The following POLR1C variants were observed in gnomAD, a reference collection of about 807,000 sequenced individuals.
The protein encoded by POLR1C is DNA-directed RNA polymerases I and III subunit RPAC1.
POLR1C carries 42 observed loss-of-function variants against 38.3 expected under a neutral mutation model. The ratio of observed to expected loss-of-function variants is 1.10; its 90% CI spans 0.86 to 1.42. POLR1C has a LOEUF of 1.42. Among genes scored for constraint, POLR1C ranks in the 40% most tolerant of loss-of-function variants. The pLI is 0.00. For synonymous variants in POLR1C, 163 were observed against 163.9 expected (o/e 0.99, Z 0.04); for missense variants, 507 against 450.5 (o/e 1.13, Z -1.14).
At chr6:43,547,455 T>G (rs897489268) in intron 9 of POLR1C, 1 of 730,894 alleles carries the variant, frequency 1.4e-6, no homozygotes, top group East Asian at 2.7e-5. Context: ...AATTCAAGAC[T>G]AAAGAAGAAA....
chr6:43,519,847 A>G lies in POLR1C; in HGVS notation c.382+9A>G. On this transcript the variant is annotated intron_variant, in intron 4 of 8. Coordinates refer to ENST00000642195, the MANE Select transcript of POLR1C (RefSeq NM_203290.4). ...TGAGTATCGGAACCAAGGTGAGAAA[A>G]TGAAATTTTGGGAGAAGTGGACTAT... 4 of 1,613,326 alleles carry G rather than the reference A, an allele frequency of 2.5e-6. No individual in the cohort carries two copies. Among genetic ancestry groups the G allele is most frequent in the Non-Finnish European group, 3.4e-6 (4 of 1,179,578 alleles).
chr6:43,526,374 G>A, downstream of POLR1C: 1 of 450,160 alleles, frequency 2.2e-6, no homozygotes, highest in East Asian at 4.0e-5. Flanking sequence ...GGAATACAGA[G>A]TAGCTGGGGT....
intron 9 of POLR1C, among the ~76,000 whole-genome samples, chr6:43,537,918 A>G (rs1794439592): frequency 2.0e-5 from 3 of 151,566 alleles, no homozygotes; most frequent in Admixed American, 1.3e-4. Context: ...AATACAAAAA[A>G]TTAGCCAGGC....
At chr6:43,522,751 G>GA (rs745548674), downstream of POLR1C, 2 of 492,964 alleles carry the variant, frequency 4.1e-6, no homozygotes, top group South Asian at 3.0e-5. Flanking sequence ...GTCTGTTTTT[G>GA]TGCAGAGCAC....
In POLR1C at chr6:43,521,425, C is replaced by G. The variant is rs1793183072; in HGVS notation, c.*125C>G. ...TTTCTGGGACAATTCCAGCTTTAAT[C>G]AATACATTTTGTTAAATGTGCCATA... On this transcript the variant is annotated 3_prime_UTR_variant, in exon 9 of 9. Coordinates refer to ENST00000642195, the MANE Select transcript of POLR1C (RefSeq NM_203290.4). 4 of 1,569,668 alleles carry G rather than the reference C, an allele frequency of 2.5e-6. No homozygotes were observed. In the Admixed American group the frequency reaches 5.4e-5, roughly 21 times the overall value.
chr6:43,526,055 C>T (rs1793565991), downstream of POLR1C: 4 of 841,966 alleles, frequency 4.8e-6, no homozygotes, highest in Non-Finnish European at 7.4e-6. Flanking sequence ...TACTAGGAGC[C>T]CTCCCACCTC....
intron 3 of POLR1C, 109 bp downstream of exon 3, chr6:43,519,549 A>G: frequency 7.1e-7 from 1 of 1,410,376 alleles, no homozygotes; most frequent in South Asian, 1.2e-5. Flanking sequence ...ATTTTCCTGG[A>G]ATTTTGCTGA....
intron 9 of POLR1C, chr6:43,550,822 C>G (rs1480124874): frequency 6.6e-6 from 1 of 152,420 alleles, no homozygotes; most frequent in Non-Finnish European, 1.5e-5. Flanking sequence ...CCCACCTAGT[C>G]AACTGAACTG....
chr6:43,530,739 C>A, downstream of POLR1C: 1 of 1,613,946 alleles, frequency 6.2e-7, no homozygotes, highest in Non-Finnish European at 8.5e-7. Flanking sequence ...TTGACAAAGG[C>A]TGAGCTGAGA....
At position 43,528,928 on chromosome 6, in the gene POLR1C, G is replaced by A. The variant is rs373586741; in HGVS notation, c.923-321G>A. 9 of 1,610,064 alleles carry A rather than the reference G, an allele frequency of 5.6e-6. No homozygotes were observed. In the African/African-American group the frequency reaches 9.4e-5, roughly 17 times the overall value. ...CACCAGAGGCTTTACAAAGACACGT[G>A]CTGCAACAAGTTAAGAAATTTTAGT... On this transcript the variant is annotated intron_variant, in intron 8 of 8. Transcript: ENST00000304004.
intron 10 of POLR1C, chr6:43,555,705 G>A: frequency 8.8e-7 from 1 of 1,140,520 alleles, no homozygotes; most frequent in Non-Finnish European, 1.2e-6. Flanking sequence ...CCCTCTCCAG[G>A]ATGAGCAAAG....
downstream of POLR1C, chr6:43,533,842 C>T: frequency 7.8e-7 from 1 of 1,283,958 alleles, no homozygotes; most frequent in South Asian, 1.2e-5. Flanking sequence ...TAAAAAACAA[C>T]AAAAAAAGGG....
At chr6:43,550,506 C>G (rs2127731845) in intron 9 of POLR1C, among the ~76,000 whole-genome samples, 1 of 152,304 alleles carries the variant, frequency 6.6e-6, no homozygotes, top group South Asian at 2.1e-4. Flanking sequence ...CTCCACTCCT[C>G]CAATGATGGT....
downstream of POLR1C, chr6:43,523,785 G>C: frequency 6.2e-7 from 1 of 1,608,688 alleles, no homozygotes; most frequent in South Asian, 1.1e-5. Flanking sequence ...TGAGGTGGCA[G>C]TGCAAGAAGG....
At chr6:43,560,365 C>T in intron 10 of POLR1C, 2 of 1,499,844 alleles carry the variant, frequency 1.3e-6, no homozygotes, top group Non-Finnish European at 1.8e-6. Context: ...CAGATTATTA[C>T]TTAGCAGTTA....
intron 9 of POLR1C, among the ~76,000 whole-genome samples, chr6:43,545,669 T>A (rs569851807): frequency 6.6e-6 from 1 of 151,736 alleles, no homozygotes; most frequent in African/African-American, 2.4e-5. Flanking sequence ...ATTGCACCAC[T>A]GCACTCCCAG....
intron 10 of POLR1C, chr6:43,551,393 C>T: frequency 6.2e-7 from 1 of 1,613,886 alleles, no homozygotes; most frequent in Non-Finnish European, 8.5e-7. Context: ...ATGAGGGGAT[C>T]CTTGGTATCA....
intron 8 of POLR1C, chr6:43,527,689 C>T (rs748124809): frequency 3.1e-6 from 5 of 1,614,026 alleles, no homozygotes; most frequent in Admixed American, 1.7e-5. Flanking sequence ...CCTCCAGCAT[C>T]TCTTGAGACT....
chr6:43,529,553 C>CAAA (rs1186641934), exon 9 of POLR1C: 20 of 101,810 alleles, frequency 2.0e-4, no homozygotes, highest in Admixed American at 4.3e-4. Flanking sequence ...GACTCCGTCT[C>CAAA]AAAAAAAAAA....
Sources: gnomAD v4.1 joint callset for allele counts (sites outside exome capture counted in the v4.1 genomes callset) on GRCh38, gnomAD v4.1.1 for gene constraint, MANE v1.5 for transcripts, NCBI Gene and HGNC (gene_info 2026-07-23, HGNC 2026-07-21) for gene names.